The following CLVS2 variants were observed in gnomAD, a reference collection of about 807,000 sequenced individuals.
CLVS2 encodes the protein clavesin 2.
Under a neutral mutation model 29.0 loss-of-function variants are expected in CLVS2, and 19 were observed. The observed-to-expected ratio is 0.66, with a 90% CI of 0.46 to 0.96. CLVS2 has a LOEUF of 0.96. Ranked by LOEUF, CLVS2 falls within the 40% of genes least tolerant of loss-of-function variation. The probability of loss-of-function intolerance (pLI) is 0.00; values close to 1 mark genes in which losing one functional copy is unlikely to be tolerated. For missense variants in CLVS2, 294 were observed against 404.1 expected, an observed-to-expected ratio of 0.73 and a Z score of 2.34; for synonymous variants, 161 against 151.3, an observed-to-expected ratio of 1.06 and a Z score of -0.47.
At chr6:123,038,325 C>T (rs1775182896) in intron 3 of CLVS2, among the ~76,000 whole-genome samples, 1 of 152,138 alleles carries the variant, frequency 6.6e-6, no homozygotes, top group African/African-American at 2.4e-5. Flanking sequence ...AATATAAACT[C>T]CTTCAAGGTA....
At chr6:123,017,082 GTGTGTA>G (rs1392526160) in intron 3 of CLVS2, among the ~76,000 whole-genome samples, 30 of 84,824 alleles carry the variant, frequency 3.5e-4, no homozygotes, top group Non-Finnish European at 6.1e-4. Context: ...GAAATTGCAT[GTGTGTA>G]TGTGTGTGTG....
intron 3 of CLVS2, among the ~76,000 whole-genome samples, chr6:123,013,636 T>C (rs537435571): frequency 1.3e-5 from 2 of 151,798 alleles, no homozygotes; most frequent in Admixed American, 6.6e-5. Context: ...ACCTACTTAT[T>C]TTTTTGCATT....
chr6:123,009,596 G>A (rs1283874855), intron 2 of CLVS2, among the ~76,000 whole-genome samples: 2 of 151,906 alleles, frequency 1.3e-5, no homozygotes, highest in Non-Finnish European at 2.9e-5. Flanking sequence ...CACTAAATGG[G>A]AATGATTTCG....
Position 122,997,968 on chromosome 6 carries a change from A to G in CLVS2, c.191A>G (p.His64Arg). The G allele has an allele frequency of 6.2e-7, 1 of 1,614,088 alleles. No homozygotes were observed. Among genetic ancestry groups the G allele is most frequent in the Non-Finnish European group, 8.5e-7 (1 of 1,179,978 alleles). Residue 64 changes from histidine to arginine, a missense_variant, in exon 2 of 6, where the codon CAT becomes CGT. Transcript: ENST00000275162. ...ILRFLRARKF[H>R]HFEAFRLLAQ... ...CGCTTCTTGCGGGCTAGGAAGTTTCATCACTTTGAGGCCTTCCGCCTCCTG... is the reference window on the plus strand; with the variant it reads ...CGCTTCTTGCGGGCTAGGAAGTTTCGTCACTTTGAGGCCTTCCGCCTCCTG...
rs1772927501 is a variant in CLVS2, at chr6:123,070,549, C to T, written c.*6788C>T. On this transcript the variant is annotated 3_prime_UTR_variant, in exon 6 of 6. Coordinates refer to ENST00000275162, the MANE Select transcript of CLVS2 (RefSeq NM_001010852.4). ...AGAGTGAGTCTCTTAAAATGTAACT[C>T]AGACCATTTTGTTCTCCAAACCCTC... The T allele has an allele frequency of 6.6e-6, 1 of 151,894 alleles. No individual in the cohort carries two copies. Among genetic ancestry groups the T allele is most frequent in the South Asian group, 2.1e-4 (1 of 4,832 alleles). The allele number at this position is 151,894 out of a possible 1,614,324, so 9.4% of individuals were successfully genotyped here. A position where few individuals can be genotyped will look rare whatever the true frequency, so the allele number is the denominator to read the frequency against.
intron 4 of CLVS2, 63 bp from the exon 5 acceptor site, chr6:123,055,743 G>C (rs912762384): frequency 1.7e-6 from 2 of 1,177,402 alleles, no homozygotes; most frequent in Admixed American, 3.4e-5. Flanking sequence ...CCCCCTGTAG[G>C]ATTTAGATGG....
rs1772856831 is a variant in CLVS2 at position 123,066,416 on chromosome 6, A to G, written c.*2655A>G. ...CTAACACACTAGACTGTTTGCCCTA[A>G]TGAATTTTCCTCTGTACTTCGAGAG... On this transcript the variant is annotated 3_prime_UTR_variant, in exon 6 of 6. Coordinates refer to ENST00000275162, the MANE Select transcript of CLVS2 (RefSeq NM_001010852.4). The G allele has an allele frequency of 1.3e-5, 2 of 151,404 alleles. No homozygotes were observed. The highest frequency in any genetic ancestry group is 3.0e-5 in the Non-Finnish European group (2 of 67,584). 9.4% of individuals were successfully genotyped at this position (151,404 alleles called of 1,614,324 possible). A position where few individuals can be genotyped will look rare whatever the true frequency, so the allele number is the denominator to read the frequency against.
At chr6:123,002,107 A>G (rs1176925987) in intron 2 of CLVS2, among the ~76,000 whole-genome samples, 1 of 152,216 alleles carries the variant, frequency 6.6e-6, no homozygotes, top group African/African-American at 2.4e-5. Context: ...TAGTATAGCA[A>G]ACAACCATTT....
rs1486095068 is a variant in CLVS2, at chr6:123,067,911, T to G, written c.*4150T>G. The G allele has an allele frequency of 6.6e-6, 1 of 151,748 alleles. No individual in the cohort carries two copies. The highest frequency in any genetic ancestry group is 1.5e-5 in the Non-Finnish European group (1 of 67,730). 9.4% of individuals were successfully genotyped at this position (151,748 alleles called of 1,614,324 possible). A position where few individuals can be genotyped will look rare whatever the true frequency, so the allele number is the denominator to read the frequency against. ...GCTTCCCATATGCTACTGGAACTAT[T>G]TGACATTATTTGCTACATGAAAAAA... is the stretch of plus-strand genomic sequence containing the variant. On this transcript the variant is annotated 3_prime_UTR_variant, in exon 6 of 6. Transcript: ENST00000275162.
Position 123,066,940 on chromosome 6 carries a change from A to G in CLVS2, c.*3179A>G, listed in dbSNP as rs1772871680. On this transcript the variant is annotated 3_prime_UTR_variant, in exon 6 of 6. Transcript: ENST00000275162. ...AGTAACTTTAGTACATGTTAATGAT[A>G]AACGTGGCACTAGGCTAAAACGATA... The G allele has an allele frequency of 6.6e-6, 1 of 151,764 alleles. No individual in the cohort carries two copies. The highest frequency in any genetic ancestry group is 2.4e-5 in the African/African-American group (1 of 41,410). The allele number at this position is 151,764 out of a possible 1,614,324, so 9.4% of individuals were successfully genotyped here. A position where few individuals can be genotyped will look rare whatever the true frequency, so the allele number is the denominator to read the frequency against.
intron 3 of CLVS2, among the ~76,000 whole-genome samples, chr6:123,032,089 G>A (rs538408238): frequency 5.3e-5 from 8 of 151,960 alleles, no homozygotes; most frequent in South Asian, 2.1e-4. Context: ...TTGTTGCAGC[G>A]CTAATATCCT....
At chr6:123,015,731 C>T (rs990436989) in intron 3 of CLVS2, among the ~76,000 whole-genome samples, 8 of 151,972 alleles carry the variant, frequency 5.3e-5, no homozygotes, top group Non-Finnish European at 8.8e-5. Flanking sequence ...TTTTTGACAC[C>T]GCATGGCAGA....
intron 5 of CLVS2, among the ~76,000 whole-genome samples, chr6:123,057,410 G>A (rs4631310): frequency 0.83 from 122,215 of 146,406 alleles, 51,062 homozygotes; most frequent in East Asian, 0.92. Flanking sequence ...GCAATGGCGC[G>A]ATCATGATTC....
intron 3 of CLVS2, among the ~76,000 whole-genome samples, chr6:123,038,562 A>G (rs1775186170): frequency 6.6e-6 from 1 of 152,202 alleles, no homozygotes; most frequent in Non-Finnish European, 1.5e-5. Flanking sequence ...TTTAAAATGT[A>G]CAAAGAATAA....
chr6:123,047,154 T>C (rs963146543), intron 3 of CLVS2, among the ~76,000 whole-genome samples: 9 of 152,078 alleles, frequency 5.9e-5, no homozygotes, highest in Non-Finnish European at 1.0e-4. Flanking sequence ...AACCTCTCTA[T>C]GACTCCCATA....
intron 5 of CLVS2, among the ~76,000 whole-genome samples, chr6:123,058,446 C>T (rs1255044517): frequency 6.6e-6 from 1 of 152,126 alleles, no homozygotes; most frequent in Non-Finnish European, 1.5e-5. Flanking sequence ...TCATGTGGCC[C>T]ATCACGTGAG....
At chr6:123,061,008 C>A (rs767701872) in intron 5 of CLVS2, among the ~76,000 whole-genome samples, 2 of 152,180 alleles carry the variant, frequency 1.3e-5, no homozygotes, top group Non-Finnish European at 2.9e-5. Flanking sequence ...TGCATAGAAA[C>A]CCCTGAGATG....
At chr6:123,010,891 T>G (rs1291349018) in intron 2 of CLVS2, 94 bp from the exon 3 acceptor site, 4 of 810,152 alleles carry the variant, frequency 4.9e-6, no homozygotes, top group Non-Finnish European at 7.2e-6. Context: ...CTGAAGGTAT[T>G]TTAAAGTGAA....
At chr6:123,029,652 GTTTGTTTGTTTGT>G (rs1775055062) in intron 3 of CLVS2, among the ~76,000 whole-genome samples, 1 of 151,536 alleles carries the variant, frequency 6.6e-6, no homozygotes, top group African/African-American at 2.4e-5. Flanking sequence ...TAAGTTTTTT[GTTTGTTTGTTTGT>G]TTTGTTTGTT....
Sources: gnomAD v4.1 joint callset for allele counts (sites outside exome capture counted in the v4.1 genomes callset) on GRCh38, gnomAD v4.1.1 for gene constraint, MANE v1.5 for transcripts, NCBI Gene and HGNC (gene_info 2026-07-23, HGNC 2026-07-21) for gene names.